Variants in MEOX2 observed in about 807,000 individuals in gnomAD.
MEOX2 encodes the protein mesenchyme homeobox 2.
Under a neutral mutation model 27.0 loss-of-function variants are expected in MEOX2, and 11 were observed. That is an observed-to-expected ratio of 0.41 (90% CI 0.26 to 0.68). The LOEUF (loss-of-function observed/expected upper bound fraction) is 0.68, where lower values mean the gene tolerates loss of function less well. Ranked by LOEUF, MEOX2 falls within the 30% of genes least tolerant of loss-of-function variation. MEOX2 has a pLI of 0.33. For missense variants in MEOX2, 436 were observed against 385.4 expected, an observed-to-expected ratio of 1.13 and a Z score of -1.10; for synonymous variants, 189 against 155.4, an observed-to-expected ratio of 1.22 and a Z score of -1.61.
chr7:15,685,732 G>A (rs1583801392), intron 1 of MEOX2, among the ~76,000 whole-genome samples, 154 bp downstream of exon 1: 1 of 152,220 alleles, frequency 6.6e-6, no homozygotes, highest in Non-Finnish European at 1.5e-5. Context: ...CAGGACCAAA[G>A]CTTCACCGCC....
At chr7:15,674,211 T>C (rs1235738108) in intron 1 of MEOX2, among the ~76,000 whole-genome samples, 1 of 152,118 alleles carries the variant, frequency 6.6e-6, no homozygotes, top group Non-Finnish European at 1.5e-5. Context: ...CAGGTTATCA[T>C]AGAATTCCAC....
At chr7:15,685,516 C>T (rs1041487967) in intron 1 of MEOX2, among the ~76,000 whole-genome samples, 1 of 152,222 alleles carries the variant, frequency 6.6e-6, no homozygotes, top group Non-Finnish European at 1.5e-5. Context: ...GGCACCCGCA[C>T]GCACGCCTGC....
At chr7:15,673,231 G>C (rs1402546898) in intron 1 of MEOX2, among the ~76,000 whole-genome samples, 1 of 152,176 alleles carries the variant, frequency 6.6e-6, no homozygotes, top group Non-Finnish European at 1.5e-5. Flanking sequence ...AAAAACCAGA[G>C]ACATGTGAAC....
At chr7:15,676,955 G>A (rs1417915641) in intron 1 of MEOX2, among the ~76,000 whole-genome samples, 2 of 152,080 alleles carry the variant, frequency 1.3e-5, no homozygotes, top group Admixed American at 1.3e-4. Context: ...GGAGACCCAA[G>A]AGAAGAGGAA....
intron 1 of MEOX2, among the ~76,000 whole-genome samples, chr7:15,641,418 T>C (rs571870335): frequency 6.6e-6 from 1 of 152,274 alleles, no homozygotes; most frequent in South Asian, 2.1e-4. Flanking sequence ...GTCTGTTTTA[T>C]CAAACACAAG....
At chr7:15,654,831 A>AT (rs1279482364) in intron 1 of MEOX2, among the ~76,000 whole-genome samples, 1 of 151,704 alleles carries the variant, frequency 6.6e-6, no homozygotes, top group Non-Finnish European at 1.5e-5. Context: ...AATGAGCAAT[A>AT]TAACTCTGTG....
chr7:15,648,606 G>C (rs972921887), intron 1 of MEOX2, among the ~76,000 whole-genome samples: 4 of 152,042 alleles, frequency 2.6e-5, no homozygotes, highest in African/African-American at 9.7e-5. Flanking sequence ...ATGCCATGGT[G>C]CTTCAGGAAA....
chr7:15,623,112 T>G (rs1657024138), intron 2 of MEOX2, among the ~76,000 whole-genome samples: 1 of 152,202 alleles, frequency 6.6e-6, no homozygotes, highest in South Asian at 2.1e-4. Flanking sequence ...ACAAGCTGCA[T>G]TGCAAATTAC....
intron 1 of MEOX2, among the ~76,000 whole-genome samples, chr7:15,647,001 GAAACAAA>G (rs1217836845): frequency 1.3e-5 from 2 of 151,812 alleles, no homozygotes; most frequent in African/African-American, 4.8e-5. Flanking sequence ...ACTCCCCCAA[GAAACAAA>G]TATAGTAAGT....
intron 1 of MEOX2, among the ~76,000 whole-genome samples, chr7:15,657,251 T>A (rs757620266): frequency 1.3e-5 from 2 of 152,164 alleles, no homozygotes; most frequent in Non-Finnish European, 2.9e-5. Context: ...TTGGAAAATT[T>A]CAGCCATTAT....
intron 2 of MEOX2, among the ~76,000 whole-genome samples, chr7:15,623,064 C>T (rs545366654): frequency 1.3e-5 from 2 of 152,284 alleles, no homozygotes; most frequent in South Asian, 4.1e-4. Context: ...ATAAGCCACC[C>T]AGTCTATGGT....
At position 15,615,798 on chromosome 7, in the gene MEOX2, C is replaced by T. The variant is rs369957296; in HGVS notation, c.691-3187G>A. 4.6e-5 allele frequency among the ~76,000 whole-genome samples: 7 copies of T among 152,128 alleles called. 1 individual carries two copies. The highest frequency in any genetic ancestry group is 1.4e-4 in the African/African-American group (6 of 41,558). The stretch of plus-strand genomic sequence containing the variant: ...ATGGAAGAAATACATATGTCATGAT[C>T]ATCATCATTGTCACCAAGAGCTGAA... On this transcript the variant is annotated intron_variant, in intron 2 of 2. Transcript: ENST00000262041.
intron 1 of MEOX2, among the ~76,000 whole-genome samples, chr7:15,673,580 G>A (rs1298021954): frequency 9.9e-5 from 4 of 40,586 alleles, no homozygotes; most frequent in Non-Finnish European, 1.9e-4. Flanking sequence ...ATGAGGAATA[G>A]ACATAAACAA....
At chr7:15,639,718 G>A (rs1454644533) in intron 1 of MEOX2, among the ~76,000 whole-genome samples, 2 of 151,888 alleles carry the variant, frequency 1.3e-5, no homozygotes, top group Admixed American at 6.6e-5. Flanking sequence ...TATTAAAAAC[G>A]GTGTCTTTTC....
intron 2 of MEOX2, among the ~76,000 whole-genome samples, chr7:15,617,155 C>A (rs568748534): frequency 6.6e-6 from 1 of 151,966 alleles, no homozygotes; most frequent in Admixed American, 6.6e-5. Context: ...AAGAAAAAAG[C>A]CATAACATCA....
rs1455073384 is a variant in MEOX2 at position 15,686,389 on chromosome 7, A to C, written c.14T>G (p.Leu5Arg). 2 of 1,574,006 alleles carry C rather than the reference A, an allele frequency of 1.3e-6. No homozygotes were observed. The highest frequency in any genetic ancestry group is 1.7e-6 in the Non-Finnish European group (2 of 1,159,174). The change falls in exon 1 of 3, where the codon CTC becomes CGC. Residue 5 changes from leucine (L) to arginine (R), a missense_variant. Leu to Arg is a moderately radical substitution (Grantham distance 102, BLOSUM62 -2). Coordinates refer to ENST00000262041, the MANE Select transcript of MEOX2 (RefSeq NM_005924.5). MEHP[L>R]FGCLRSPHAT... is the part of the protein sequence containing the mutation. ...GTGAGGGCTGCGCAGGCAGCCAAAG[A>C]GCGGGTGTTCCATAGCATGCAAGTT...
In MEOX2 at chr7:15,686,230, C is replaced by T. The variant is rs1562620148; in HGVS notation, c.173G>A (p.Gly58Asp). ...CIIAGYPNEE[G>D]MFASQHHRGH... Reference sequence around the variant, plus strand: ...CCTGTGATGCTGGCTGGCAAACATGCCCTCTTCGTTGGGGTATCCCGCGAT... The same window carrying T: ...CCTGTGATGCTGGCTGGCAAACATGTCCTCTTCGTTGGGGTATCCCGCGAT... Residue 58 changes from glycine to aspartate, a missense_variant, in exon 1 of 3, where the codon GGC (glycine) becomes GAC (aspartate). By Grantham distance (94) the Gly-to-Asp change is moderately conservative. Coordinates refer to ENST00000262041, the MANE Select transcript of MEOX2 (RefSeq NM_005924.5). 1.9e-6 allele frequency: 3 copies of T among 1,611,784 alleles called. No individual in the cohort carries two copies. Among genetic ancestry groups the T allele is most frequent in the East Asian group, 4.5e-5 (2 of 44,756 alleles).
chr7:15,615,992 G>T (rs1052259000), intron 2 of MEOX2, among the ~76,000 whole-genome samples: 23 of 151,792 alleles, frequency 1.5e-4, no homozygotes, highest in African/African-American at 4.6e-4. Flanking sequence ...ATATGGTATT[G>T]ATTTTAGATA....
intron 1 of MEOX2, chr7:15,681,329 T>A (rs1233838059): frequency 6.6e-6 from 1 of 151,772 alleles, no homozygotes; most frequent in African/African-American, 2.4e-5. Flanking sequence ...GTTGTGTGTG[T>A]CAAGCTGCCA....
Sources: allele counts gnomAD v4.1 joint callset (sites outside exome capture counted in the v4.1 genomes callset), GRCh38; gene constraint gnomAD v4.1.1; transcripts MANE v1.5; gene names NCBI Gene and HGNC (gene_info 2026-07-23, HGNC 2026-07-21).